The following CFH variants were observed in gnomAD, a reference collection of about 807,000 sequenced individuals.
CFH encodes the protein H factor 1 (complement).
In CFH, 53 loss-of-function variants were observed where a neutral mutation model predicts 147.3. The observed-to-expected ratio is 0.36, with a 90% CI of 0.29 to 0.45. The LOEUF (loss-of-function observed/expected upper bound fraction) is 0.45, where lower values mean the gene tolerates loss of function less well. Among genes scored for constraint, CFH ranks in the 20% least tolerant of loss-of-function variants. The pLI is 1.00. For synonymous variants in CFH, 536 were observed against 489.4 expected (o/e 1.10, Z -1.26); for missense variants, 1,380 against 1,498.0 (o/e 0.92, Z 1.30).
chr1:196,663,201 C>A (rs992822707), intron 1 of CFH, among the ~76,000 whole-genome samples: 2 of 151,844 alleles, frequency 1.3e-5, no homozygotes, highest in Non-Finnish European at 2.9e-5. Context: ...TTTTAAAATT[C>A]TCTTCCAACA....
In CFH at chr1:196,673,948, T is replaced by C. The variant is rs770730773; in HGVS notation, c.336T>C (p.Tyr112=). ...TTGAATATGGTGTAAAAGCTGTGTA[T>C]ACATGTAATGAGGGGTATGTAGTCC... ...NVFEYGVKAV[Y]TCNEGYQLLG... is the part of the protein sequence containing the mutation. Residue 112 remains tyrosine (Y), a synonymous_variant, in exon 3 of 22, where the codon TAT becomes TAC. Transcript: ENST00000367429. 1.9e-6 allele frequency: 3 copies of C among 1,610,532 alleles called. No individual in the cohort carries two copies. The Admixed American group carries it at 5.0e-5, about 27-fold the overall frequency.
In CFH at chr1:196,737,636, TG is replaced by T; in HGVS notation, c.2760del (p.Trp920Ter). ...TGAAACAACATGCTACATGGGAAAATGGAGTTCTCCACCTCAGTGTGAAGGT... is the reference window on the plus strand; with the variant it reads ...TGAAACAACATGCTACATGGGAAAATGAGTTCTCCACCTCAGTGTGAAGGT... ...ENETTCYMGK[W>X]SSPPQCEGLP... On this transcript the variant is annotated frameshift_variant, in exon 17 of 22. Transcript: ENST00000367429. LOFTEE classifies it high-confidence loss of function. The T allele has an allele frequency of 6.2e-7, 1 of 1,613,448 alleles. No individual in the cohort carries two copies. Among genetic ancestry groups the T allele is most frequent in the Non-Finnish European group, 8.5e-7 (1 of 1,179,592 alleles).
intron 9 of CFH, among the ~76,000 whole-genome samples, chr1:196,704,328 G>T (rs1010428387): frequency 6.6e-6 from 1 of 152,104 alleles, no homozygotes; most frequent in African/African-American, 2.4e-5. Context: ...CTCCTGACAT[G>T]AGGTAATCTG....
At chr1:196,741,637 T>C in intron 18 of CFH, 1 of 497,418 alleles carries the variant, frequency 2.0e-6, no homozygotes, top group East Asian at 3.7e-5. Flanking sequence ...TCTCAATTGC[T>C]ACGGCTACCA....
intron 6 of CFH, among the ~76,000 whole-genome samples, chr1:196,681,666 G>A (rs1667663430): frequency 6.6e-6 from 1 of 151,780 alleles, no homozygotes; most frequent in African/African-American, 2.4e-5. Context: ...CTCCTTTTCA[G>A]AAGACAGTTC....
At chr1:196,706,126 G>A (rs1668583170) in intron 9 of CFH, among the ~76,000 whole-genome samples, 1 of 151,584 alleles carries the variant, frequency 6.6e-6, no homozygotes, top group Non-Finnish European at 1.5e-5. Context: ...TGGGTTCATC[G>A]GCACAGAAGG....
At chr1:196,701,581 T>G (rs1668449973) in intron 9 of CFH, 2 of 529,798 alleles carry the variant, frequency 3.8e-6, no homozygotes, top group South Asian at 4.3e-5. Flanking sequence ...ACTGTCTCAG[T>G]GTATTGTTCT....
intron 15 of CFH, among the ~76,000 whole-genome samples, chr1:196,730,812 C>T (rs936695427): frequency 6.6e-6 from 1 of 151,758 alleles, no homozygotes; most frequent in Non-Finnish European, 1.5e-5. Flanking sequence ...GACAAATTGA[C>T]CCCACTATCA....
chr1:196,733,287 C>A (rs969954979), intron 15 of CFH, among the ~76,000 whole-genome samples: 1 of 152,060 alleles, frequency 6.6e-6, no homozygotes, highest in African/African-American at 2.4e-5. Context: ...TAAGCCCTTT[C>A]GACAGAGAAA....
intron 9 of CFH, chr1:196,700,989 T>C (rs942966834): frequency 2.7e-6 from 1 of 367,632 alleles, no homozygotes; most frequent in African/African-American, 2.2e-5. Context: ...CTTTGAGGTC[T>C]TGTTGACACT....
chr1:196,724,576 G>A (rs180696577), intron 11 of CFH, among the ~76,000 whole-genome samples: 3 of 152,036 alleles, frequency 2.0e-5, no homozygotes, highest in African/African-American at 7.2e-5. Flanking sequence ...CCTTTGTCAG[G>A]CTCTTGCTTC....
intron 1 of CFH, among the ~76,000 whole-genome samples, chr1:196,653,336 T>C (rs969907191): frequency 1.3e-5 from 2 of 151,802 alleles, no homozygotes; most frequent in African/African-American, 4.8e-5. Flanking sequence ...TCCTTGTACA[T>C]ATAAATATTA....
Position 196,715,713 on chromosome 1 carries a change from C to A in CFH, c.1640C>A (p.Thr547Asn). 14 of 1,612,644 alleles carry A rather than the reference C, an allele frequency of 8.7e-6. No homozygotes were observed. The highest frequency in any genetic ancestry group is 1.1e-5 in the Non-Finnish European group (13 of 1,179,058). The change falls in exon 11 of 22, where the codon ACC becomes AAC. Residue 547 changes from threonine (T) to asparagine (N), a missense_variant. Thr to Asn is a moderately conservative substitution (Grantham distance 65, BLOSUM62 0). Transcript: ENST00000367429. Reference protein sequence around the residue: ...HDGYESNTGSTTGSIVCGYNG... With the variant: ...HDGYESNTGSNTGSIVCGYNG... ...GGTTATGAAAGCAATACTGGAAGCA[C>A]CACTGGTTCCATAGTGTGTGGTTAC...
intron 1 of CFH, among the ~76,000 whole-genome samples, chr1:196,654,846 T>G (rs1322784363): frequency 1.3e-5 from 2 of 152,068 alleles, no homozygotes; most frequent in Non-Finnish European, 2.9e-5. Context: ...GAAAGGAGAA[T>G]AGTGGTCTAA....
At position 196,677,001 on chromosome 1, in the gene CFH, A is replaced by C. The variant is rs1321254313; in HGVS notation, c.428-475A>C. 1.9e-5 allele frequency: 3 copies of C among 157,784 alleles called. No homozygotes were observed. The East Asian group carries it at 5.5e-4, about 29-fold the overall frequency. 9.8% of individuals were successfully genotyped at this position (157,784 alleles called of 1,614,324 possible). On this transcript the variant is annotated intron_variant, in intron 4 of 21. Coordinates refer to ENST00000367429, the MANE Select transcript of CFH (RefSeq NM_000186.4). ...ACCACAACTTTAGAGAAATTGGAAA[A>C]TATTAAGTAGAATCAAAAGAACTAC...
chr1:196,721,094 T>C (rs921832747), intron 11 of CFH, among the ~76,000 whole-genome samples: 1 of 152,012 alleles, frequency 6.6e-6, no homozygotes, highest in African/African-American at 2.4e-5. Flanking sequence ...GTCATTTTCA[T>C]GTCTTCTTTT....
chr1:196,677,600 T>A lies in CFH; in HGVS notation c.552T>A (p.Ile184=). The change falls in exon 5 of 22, where the codon ATT becomes ATA. Residue 184 remains isoleucine, a synonymous_variant. Transcript: ENST00000367429. ...VRFVCNSGYK[I]EGDEEMHCSD... ...TTGTATGTAACTCAGGCTACAAGAT[T>A]GAAGGAGATGAAGAAATGCATTGTT... 6.2e-7 allele frequency: 1 copy of A among 1,613,310 alleles called. No homozygotes were observed. The highest frequency in any genetic ancestry group is 8.5e-7 in the Non-Finnish European group (1 of 1,179,474).
chr1:196,708,600 C>G (rs1182572581), intron 9 of CFH, among the ~76,000 whole-genome samples: 1 of 110,762 alleles, frequency 9.0e-6, no homozygotes, highest in African/African-American at 3.4e-5. Flanking sequence ...TTCCATTTGT[C>G]TATATTCCCC....
chr1:196,664,429 C>G (rs925591805), intron 1 of CFH, among the ~76,000 whole-genome samples: 5 of 152,120 alleles, frequency 3.3e-5, no homozygotes, highest in Non-Finnish European at 5.9e-5. Context: ...CCAAGGCACT[C>G]AAATTTTTTG....
Sources: gnomAD v4.1 joint callset for allele counts (sites outside exome capture counted in the v4.1 genomes callset) on GRCh38, gnomAD v4.1.1 for gene constraint, MANE v1.5 for transcripts, NCBI Gene and HGNC (gene_info 2026-07-23, HGNC 2026-07-21) for gene names.